XKRX: variants seen among roughly 807,000 people sequenced by gnomAD.
The protein encoded by XKRX is XK-related protein 2.
A neutral mutation model predicts 22.4 loss-of-function variants in XKRX; 11 were observed. The ratio of observed to expected loss-of-function variants is 0.49; its 90% CI spans 0.31 to 0.81. The LOEUF is 0.81. Ranked by LOEUF, XKRX falls within the 40% of genes least tolerant of loss-of-function variation. The probability of loss-of-function intolerance (pLI) is 0.05; values close to 1 mark genes in which losing one functional copy is unlikely to be tolerated. For missense variants in XKRX, 320 were observed against 336.5 expected (o/e 0.95, Z 0.38); for synonymous variants, 114 against 132.2 (o/e 0.86, Z 0.94).
intron 1 of XKRX, 84 bp downstream of exon 1, chrX:100,927,886 T>A: frequency 9.5e-7 from 1 of 1,049,604 alleles, no homozygotes; most frequent in South Asian, 2.3e-5. Context: ...AGCCATAGTA[T>A]CCATCTTGTA....
chrX:100,948,668 A>T, the XKRX span, among the ~76,000 whole-genome samples: 1 of 112,756 alleles, frequency 8.9e-6, no homozygotes. Flanking sequence ...ATCAAAGGAA[A>T]ATTTCCCCCT....
the XKRX span, among the ~76,000 whole-genome samples, chrX:100,936,540 C>CAAAAAA: frequency 2.2e-3 from 57 of 25,421 alleles, no homozygotes; most frequent in South Asian, 0.033. Flanking sequence ...GACTCTGTCT[C>CAAAAAA]AAAAAAAAAA....
chrX:100,898,622 T>C, the XKRX span, among the ~76,000 whole-genome samples: 1 of 106,698 alleles, frequency 9.4e-6, no homozygotes, highest in Non-Finnish European at 1.9e-5. Context: ...AAGAAGGCCA[T>C]GCACATGCCC....
At chrX:100,921,437 AC>A (rs1396430732) in intron 2 of XKRX, among the ~76,000 whole-genome samples, 1 of 111,920 alleles carries the variant, frequency 8.9e-6, no homozygotes, top group Non-Finnish European at 1.9e-5. Flanking sequence ...AAGCTTCAAG[AC>A]CAACAGAACT....
At position 100,922,955 on chromosome X, in the gene XKRX, C is replaced by T. The variant is rs747289542; in HGVS notation, c.442G>A (p.Val148Met). Residue 148 changes from valine (V) to methionine (M), a missense_variant, in exon 2 of 3, where the codon GTG becomes ATG. Coordinates refer to ENST00000372956, the MANE Select transcript of XKRX (RefSeq NM_212559.3). ...RKKMLIDGEE[V>M]LIEWEVGHSI... The stretch of plus-strand genomic sequence containing the variant: ...TGGCCCACCTCCCATTCTATCAGCA[C>T]CTCCTCGCCATCTATTAGCATCTTC... 3 of 1,211,733 alleles carry T rather than the reference C, an allele frequency of 2.5e-6. No individual in the cohort carries two copies. Among genetic ancestry groups the T allele is most frequent in the South Asian group, 1.8e-5 (1 of 56,984 alleles).
chrX:100,891,623 G>A, the XKRX span, among the ~76,000 whole-genome samples: 1 of 109,623 alleles, frequency 9.1e-6, no homozygotes, highest in Admixed American at 9.9e-5. Flanking sequence ...CAGGCATGGT[G>A]CTCATGCCTG....
intron 2 of XKRX, among the ~76,000 whole-genome samples, chrX:100,917,913 C>A (rs1477529382): frequency 1.8e-5 from 2 of 111,408 alleles, no homozygotes; most frequent in African/African-American, 6.5e-5. Flanking sequence ...CCTGTTGCCT[C>A]ACCCATGACA....
intron 2 of XKRX, among the ~76,000 whole-genome samples, chrX:100,917,919 T>C (rs754993096): frequency 7.2e-5 from 8 of 111,454 alleles, no homozygotes; most frequent in Admixed American, 6.7e-4. Context: ...GCCTCACCCA[T>C]GACATCCATG....
chrX:100,946,540 T>G, the XKRX span, among the ~76,000 whole-genome samples: 1 of 111,244 alleles, frequency 9.0e-6, no homozygotes, highest in Non-Finnish European at 1.9e-5. Context: ...GTGGGCAGGG[T>G]GTAGGAAAAC....
At chrX:100,908,771 G>A (rs1035187895), downstream of XKRX, among the ~76,000 whole-genome samples, 2 of 111,765 alleles carry the variant, frequency 1.8e-5, no homozygotes, top group Non-Finnish European at 3.8e-5. Flanking sequence ...TAGATGGAAA[G>A]TCCTGGTGAG....
chrX:100,912,512 G>A (rs1347214524), downstream of XKRX, among the ~76,000 whole-genome samples: 1 of 112,270 alleles, frequency 8.9e-6, no homozygotes, highest in Non-Finnish European at 1.9e-5. Flanking sequence ...ATAATGTCCT[G>A]ACATTGGATA....
chrX:100,957,124 A>T, the XKRX span: 11 of 1,153,146 alleles, frequency 9.5e-6, no homozygotes, highest in Non-Finnish European at 1.3e-5. Context: ...GCCATTGTTT[A>T]TGCCAACGAG....
At chrX:100,943,390 G>GT in the XKRX span, among the ~76,000 whole-genome samples, 1 of 111,012 alleles carries the variant, frequency 9.0e-6, no homozygotes, top group Admixed American at 9.6e-5. Flanking sequence ...GTTTTTGTGT[G>GT]TTTTTTGTTT....
chrX:100,925,866 G>A (rs149408875), intron 1 of XKRX, among the ~76,000 whole-genome samples: 7 of 111,885 alleles, frequency 6.3e-5, no homozygotes, highest in African/African-American at 2.3e-4. Context: ...ATCCTGTGTT[G>A]TTGTTGTTAT....
At chrX:100,918,350 C>T (rs2085455613) in intron 2 of XKRX, among the ~76,000 whole-genome samples, 1 of 111,687 alleles carries the variant, frequency 9.0e-6, no homozygotes, top group African/African-American at 3.3e-5. Flanking sequence ...TTCTCAGTCC[C>T]ATCCTCAAGA....
chrX:100,950,490 T>C, the XKRX span, among the ~76,000 whole-genome samples: 2 of 111,357 alleles, frequency 1.8e-5, no homozygotes, highest in Admixed American at 9.6e-5. Context: ...CAGATCAAAA[T>C]CAAAAAGGAT....
the XKRX span, among the ~76,000 whole-genome samples, chrX:100,894,619 T>C: frequency 2.3e-3 from 257 of 111,179 alleles, 1 homozygote; most frequent in African/African-American, 8.2e-3. Context: ...AATTTTTAAA[T>C]GTTTTGTAGA....
At chrX:100,927,145 C>A (rs1265780440) in intron 1 of XKRX, among the ~76,000 whole-genome samples, 1 of 110,690 alleles carries the variant, frequency 9.0e-6, no homozygotes, top group Non-Finnish European at 1.9e-5. Context: ...ATCACTTGAG[C>A]CCAGTCTACA....
intron 2 of XKRX, among the ~76,000 whole-genome samples, chrX:100,920,556 T>C (rs1186527108): frequency 2.7e-5 from 3 of 111,139 alleles, no homozygotes; most frequent in Non-Finnish European, 5.7e-5. Flanking sequence ...TGTCTGACTT[T>C]TGTAATTAAA....
Sources: gnomAD v4.1 joint callset for allele counts (sites outside exome capture counted in the v4.1 genomes callset) on GRCh38, gnomAD v4.1.1 for gene constraint, MANE v1.5 for transcripts, NCBI Gene and HGNC (gene_info 2026-07-23, HGNC 2026-07-21) for gene names.